ACTR3B: variants seen among roughly 807,000 people sequenced by gnomAD.
ACTR3B encodes actin related protein 3B.
A neutral mutation model predicts 59.0 loss-of-function variants in ACTR3B; 8 were observed. The ratio of observed to expected loss-of-function variants is 0.14; its 90% CI spans 0.08 to 0.24. ACTR3B has a LOEUF of 0.24. ACTR3B is among the 10% of genes least tolerant of loss of function. The probability of loss-of-function intolerance (pLI) is 1.00; values close to 1 mark genes in which losing one functional copy is unlikely to be tolerated. For synonymous variants in ACTR3B, 148 were observed against 197.9 expected (o/e 0.75, Z 2.12); for missense variants, 245 against 552.3 (o/e 0.44, Z 5.58).
At chr7:152,770,429 C>T (rs1266321321) in intron 1 of ACTR3B, among the ~76,000 whole-genome samples, 1 of 151,596 alleles carries the variant, frequency 6.6e-6, no homozygotes, top group Non-Finnish European at 1.5e-5. Flanking sequence ...CAGCTCCTTT[C>T]CATCCTAAAA....
chr7:152,789,031 A>ACAACAT (rs1422249674), intron 2 of ACTR3B, among the ~76,000 whole-genome samples: 1 of 105,090 alleles, frequency 9.5e-6, no homozygotes, highest in Non-Finnish European at 2.0e-5. Context: ...CAAAACAACA[A>ACAACAT]CAACAACAAC....
At chr7:152,847,085 C>A (rs1290272242) in intron 9 of ACTR3B, among the ~76,000 whole-genome samples, 1 of 146,000 alleles carries the variant, frequency 6.8e-6, no homozygotes, top group Non-Finnish European at 1.5e-5. Flanking sequence ...AGTGTCCGGG[C>A]TGTAGTCTGC....
intron 5 of ACTR3B, among the ~76,000 whole-genome samples, chr7:152,815,590 C>T (rs1176231922): frequency 3.3e-5 from 5 of 152,282 alleles, no homozygotes; most frequent in Admixed American, 2.6e-4. Context: ...TTGTTGTGGG[C>T]GCCGCCGTGT....
At chr7:152,761,500 C>T (rs1355234096) in intron 1 of ACTR3B, among the ~76,000 whole-genome samples, 1 of 152,114 alleles carries the variant, frequency 6.6e-6, no homozygotes, top group Non-Finnish European at 1.5e-5. Flanking sequence ...GTGGACCTTA[C>T]TCATCTTTCT....
At chr7:152,762,709 A>G (rs2098093719) in intron 1 of ACTR3B, among the ~76,000 whole-genome samples, 1 of 152,226 alleles carries the variant, frequency 6.6e-6, no homozygotes, top group African/African-American at 2.4e-5. Flanking sequence ...TCAGCGGCAT[A>G]CATTGCATCT....
At chr7:152,775,633 C>T (rs1233549474) in intron 1 of ACTR3B, among the ~76,000 whole-genome samples, 1 of 151,984 alleles carries the variant, frequency 6.6e-6, no homozygotes, top group Non-Finnish European at 1.5e-5. Flanking sequence ...GTGGTGCATG[C>T]CTGTGGTCCC....
chr7:152,832,671 A>G (rs1352796177), intron 9 of ACTR3B, among the ~76,000 whole-genome samples: 1 of 152,180 alleles, frequency 6.6e-6, no homozygotes, highest in Non-Finnish European at 1.5e-5. Context: ...CACTATCTCT[A>G]TCTCTACATT....
chr7:152,855,129 C>T lies in ACTR3B; in HGVS notation c.*576C>T, dbSNP rs1799155887. ...ATGTTCTGATATGTTTATAGGCAAACAAATAAAACAGCAAACTTTTTTGCC... is the reference window on the plus strand; with the variant it reads ...ATGTTCTGATATGTTTATAGGCAAATAAATAAAACAGCAAACTTTTTTGCC... On this transcript the variant is annotated 3_prime_UTR_variant, in exon 12 of 12. Transcript: ENST00000256001. 2 of 152,558 alleles carry T rather than the reference C, an allele frequency of 1.3e-5. No individual in the cohort carries two copies. The highest frequency in any genetic ancestry group is 2.9e-5 in the Non-Finnish European group (2 of 68,054). 9.5% of individuals were successfully genotyped at this position (152,558 alleles called of 1,614,324 possible).
rs752037532 is a variant in ACTR3B at position 152,854,434 on chromosome 7, C to T, written c.1162-24C>T. 2 of 1,604,048 alleles carry T rather than the reference C, an allele frequency of 1.2e-6. No individual in the cohort carries two copies. Among genetic ancestry groups the T allele is most frequent in the Admixed American group, 3.3e-5 (2 of 59,998 alleles). On this transcript the variant is annotated intron_variant, in intron 11 of 11. Transcript: ENST00000256001. The surrounding 1 kb of genome is among the most constrained non-coding windows in gnomAD (Gnocchi z 4.9). ...ACTTTCTTCTGAAATGAGTGTCTTT[C>T]TGTCTGCCTGTTGCCTCTCGTAGCC...
intron 10 of ACTR3B, among the ~76,000 whole-genome samples, chr7:152,852,509 T>G (rs1250127791): frequency 6.6e-6 from 1 of 152,160 alleles, no homozygotes; most frequent in African/African-American, 2.4e-5. Flanking sequence ...TGCCAGCAGT[T>G]TCCTTTTGTG....
At chr7:152,799,236 T>C (rs2098226996) in intron 2 of ACTR3B, among the ~76,000 whole-genome samples, 1 of 152,330 alleles carries the variant, frequency 6.6e-6, no homozygotes, top group East Asian at 1.9e-4. Context: ...TATTTAGGTA[T>C]AGTTTGACCA....
At chr7:152,768,816 A>T (rs1283312954) in intron 1 of ACTR3B, among the ~76,000 whole-genome samples, 4 of 151,388 alleles carry the variant, frequency 2.6e-5, no homozygotes, top group African/African-American at 9.7e-5. Context: ...TAATGTGTCT[A>T]TATGAACTAC....
chr7:152,853,295 G>C lies in ACTR3B; in HGVS notation c.1078-199G>C, dbSNP rs575881121. Among the ~76,000 whole-genome samples the C allele has an allele frequency of 4.5e-4, 69 of 152,156 alleles. 1 individual carries two copies. Among genetic ancestry groups the C allele is most frequent in the African/African-American group, 1.6e-3 (68 of 41,502 alleles). On this transcript the variant is annotated intron_variant, in intron 10 of 11. Transcript: ENST00000256001. ...CCGGGTGCACTGTGTTCCTTTGAGC[G>C]CTGGGGGCTGGGATTCTGGTAGGTC...
intron 4 of ACTR3B, among the ~76,000 whole-genome samples, chr7:152,804,675 A>AT (rs966962950): frequency 6.6e-6 from 1 of 152,202 alleles, no homozygotes; most frequent in Non-Finnish European, 1.5e-5. Context: ...ACCCATGAAA[A>AT]TCCTTCAGGA....
At chr7:152,775,282 T>TC (rs1450161399) in intron 1 of ACTR3B, among the ~76,000 whole-genome samples, 1 of 150,232 alleles carries the variant, frequency 6.7e-6, no homozygotes, top group Non-Finnish European at 1.5e-5. Context: ...GACCTTAGGG[T>TC]CATTACCTTC....
intron 5 of ACTR3B, among the ~76,000 whole-genome samples, chr7:152,815,615 G>A (rs953306763): frequency 4.6e-5 from 7 of 152,220 alleles, no homozygotes; most frequent in African/African-American, 7.2e-5. Flanking sequence ...TGCAGGGAGC[G>A]TAGCAGCATC....
chr7:152,779,401 C>T (rs188727263), intron 1 of ACTR3B, among the ~76,000 whole-genome samples: 1 of 152,248 alleles, frequency 6.6e-6, no homozygotes. Flanking sequence ...AAAACTCAAT[C>T]TGAAGTCCTG....
At chr7:152,799,773 A>G (rs116169870) in intron 2 of ACTR3B, among the ~76,000 whole-genome samples, 1,856 of 152,342 alleles carry the variant, frequency 0.012, 37 homozygotes, top group African/African-American at 0.043. Context: ...AGCTCATGGG[A>G]GAGCTCAAGA....
intron 1 of ACTR3B, among the ~76,000 whole-genome samples, chr7:152,760,292 C>G (rs886336880): frequency 1.3e-5 from 2 of 151,884 alleles, no homozygotes; most frequent in Admixed American, 6.6e-5. Flanking sequence ...CGGGATCTCC[C>G]CTCCTAGGAA....
Sources: gnomAD v4.1 joint callset for allele counts (sites outside exome capture counted in the v4.1 genomes callset) on GRCh38, gnomAD v4.1.1 for gene constraint, Gnocchi (gnomAD v3.1) non-coding constraint, MANE v1.5 for transcripts, NCBI Gene and HGNC (gene_info 2026-07-23, HGNC 2026-07-21) for gene names.